ZMYM4: variants seen among roughly 807,000 people sequenced by gnomAD.
ZMYM4 encodes the protein zinc finger MYM-type containing 4.
ZMYM4 carries 31 observed loss-of-function variants against 183.2 expected under a neutral mutation model. The observed-to-expected ratio is 0.17, with a 90% CI of 0.13 to 0.23. The LOEUF (loss-of-function observed/expected upper bound fraction) is 0.23. ZMYM4 is among the 10% of genes least tolerant of loss of function. The pLI, the probability that ZMYM4 is intolerant of heterozygous loss-of-function variation, is 1.00. For synonymous variants in ZMYM4, 592 were observed against 631.2 expected, an observed-to-expected ratio of 0.94 and a Z score of 0.93; for missense variants, 1,273 against 1,840.3, an observed-to-expected ratio of 0.69 and a Z score of 5.64.
intron 2 of ZMYM4, among the ~76,000 whole-genome samples, chr1:35,349,976 A>T (rs1558053567): frequency 2.7e-5 from 4 of 150,374 alleles, no homozygotes; most frequent in Admixed American, 2.0e-4. Flanking sequence ...ATATATATAT[A>T]TTTTAAAGAC....
At chr1:35,404,893 T>C in intron 23 of ZMYM4, 130 bp from the exon 24 acceptor site, 1 of 882,956 alleles carries the variant, frequency 1.1e-6, no homozygotes, top group South Asian at 2.5e-5. Flanking sequence ...CTCTAAGAAC[T>C]CTGAATCTTT....
At chr1:35,340,052 A>G (rs1026662750) in intron 2 of ZMYM4, among the ~76,000 whole-genome samples, 5 of 152,226 alleles carry the variant, frequency 3.3e-5, no homozygotes, top group Admixed American at 1.3e-4. Flanking sequence ...TTCTTCAGGA[A>G]TGTTTTGCCT....
intron 2 of ZMYM4, chr1:35,351,482 G>A (rs1643605632): frequency 1.3e-6 from 2 of 1,554,468 alleles, no homozygotes; most frequent in African/African-American, 1.4e-5. Context: ...TCTATGAAAA[G>A]AAGCCCAAGA....
At position 35,398,851 on chromosome 1, in the gene ZMYM4, C is replaced by G. The variant is rs1414285170; in HGVS notation, c.3254-13C>G. ...TTTATTTTGAGGGCTTAATTGTTATCTATATATTTCAGACCAAGGAAGTAC... is the reference window on the plus strand; with the variant it reads ...TTTATTTTGAGGGCTTAATTGTTATGTATATATTTCAGACCAAGGAAGTAC... On this transcript the variant is annotated splice_polypyrimidine_tract_variant and intron_variant, in intron 21 of 29. Coordinates refer to ENST00000314607, the MANE Select transcript of ZMYM4 (RefSeq NM_005095.3). 6.2e-7 allele frequency: 1 copy of G among 1,610,230 alleles called. No homozygotes were observed. The highest frequency in any genetic ancestry group is 2.2e-5 in the East Asian group (1 of 44,788).
At chr1:35,339,321 G>A (rs1443654209) in intron 2 of ZMYM4, among the ~76,000 whole-genome samples, 1 of 151,602 alleles carries the variant, frequency 6.6e-6, no homozygotes, top group Admixed American at 6.6e-5. Flanking sequence ...TGCTTCCTCC[G>A]CCTCCTGGGT....
Position 35,359,359 on chromosome 1 carries a change from G to T in ZMYM4, c.520G>T (p.Asp174Tyr). 1.2e-6 allele frequency: 2 copies of T among 1,606,768 alleles called. No homozygotes were observed. The highest frequency in any genetic ancestry group is 2.3e-5 in the South Asian group (2 of 88,728). The change falls in exon 3 of 30, where the codon GAC (aspartate) becomes TAC (tyrosine). Residue 174 changes from aspartate (D) to tyrosine (Y), a missense_variant. Around this residue, in one of 6 missense-constraint regions of ZMYM4, gnomAD observed 384 missense variants for 465.6 expected, o/e 0.82. Coordinates refer to ENST00000314607, the MANE Select transcript of ZMYM4 (RefSeq NM_005095.3). ...ATTTTCTGGAAAGGAGAAAAATAGA[G>T]ACCTAACTTATGAACGTGAAAAACG... ...ETFSGKEKNR[D>Y]LTYEREKRLD...
Position 35,390,114 on chromosome 1 carries a change from G to A in ZMYM4, c.2587+16G>A, listed in dbSNP as rs1419451709. 2 of 1,609,654 alleles carry A rather than the reference G, an allele frequency of 1.2e-6. No homozygotes were observed. Among genetic ancestry groups the A allele is most frequent in the Non-Finnish European group, 1.7e-6 (2 of 1,177,146 alleles). On this transcript the variant is annotated intron_variant, in intron 15 of 29. Transcript: ENST00000314607. ...AATAATGCAGGTAAAATTAACCTTA[G>A]GTACTGAATGGAGTCTTTGGTCAAT...
rs1640263973 is a variant in ZMYM4, at chr1:35,419,788, G to T, written c.*111G>T. ...CTAAGTCCTCTTGACTTGACCATAAGATCATGGAAAACAGATGACTTGTGA... is the reference window on the plus strand; with the variant it reads ...CTAAGTCCTCTTGACTTGACCATAATATCATGGAAAACAGATGACTTGTGA... On this transcript the variant is annotated 3_prime_UTR_variant, in exon 30 of 30. Coordinates refer to ENST00000314607, the MANE Select transcript of ZMYM4 (RefSeq NM_005095.3). The T allele has an allele frequency of 1.8e-6, 2 of 1,109,774 alleles. No homozygotes were observed. Among genetic ancestry groups the T allele is most frequent in the Non-Finnish European group, 1.3e-6 (1 of 765,762 alleles). 68.7% of individuals were successfully genotyped at this position (1,109,774 alleles called of 1,614,324 possible). A position where few individuals can be genotyped will look rare whatever the true frequency, so the allele number is the denominator to read the frequency against.
rs189614695 is a variant in ZMYM4, at chr1:35,386,254, G to A, written c.1836+65G>A. On this transcript the variant is annotated intron_variant, in intron 11 of 29. Transcript: ENST00000314607. Reference sequence around the variant, plus strand: ...TCACCTACTGTATGAGTCTGTTCTTGCACTCCTCTAAAGAAATACCCTAGA... The same window carrying A: ...TCACCTACTGTATGAGTCTGTTCTTACACTCCTCTAAAGAAATACCCTAGA... The A allele has an allele frequency of 5.1e-6, 6 of 1,175,886 alleles. No individual in the cohort carries two copies. The Admixed American group carries it at 7.8e-5, about 15-fold the overall frequency. The allele number at this position is 1,175,886 out of a possible 1,614,324, so 72.8% of individuals were successfully genotyped here. A position where few individuals can be genotyped will look rare whatever the true frequency, so the allele number is the denominator to read the frequency against.
At chr1:35,393,872 A>C (rs1644755790) in intron 18 of ZMYM4, 133 bp downstream of exon 18, 2 of 1,029,900 alleles carry the variant, frequency 1.9e-6, no homozygotes, top group Non-Finnish European at 1.3e-6. Flanking sequence ...TTTAGTTCTC[A>C]CAGCATCCCC....
At chr1:35,295,112 A>T (rs893072285) in intron 1 of ZMYM4, among the ~76,000 whole-genome samples, 2 of 152,226 alleles carry the variant, frequency 1.3e-5, no homozygotes, top group African/African-American at 4.8e-5. Context: ...CATTCCAGGG[A>T]TGGGGTGGGA....
intron 2 of ZMYM4, among the ~76,000 whole-genome samples, chr1:35,342,995 T>C (rs1159247753): frequency 1.3e-5 from 2 of 152,108 alleles, no homozygotes; most frequent in South Asian, 2.1e-4. Flanking sequence ...GGATTCTTCA[T>C]GTATACTAGT....
At chr1:35,355,399 C>T (rs1226356809) in intron 2 of ZMYM4, among the ~76,000 whole-genome samples, 2 of 151,890 alleles carry the variant, frequency 1.3e-5, no homozygotes, top group Non-Finnish European at 1.5e-5. Flanking sequence ...GCTGTGTGAA[C>T]GTGATATCTC....
intron 1 of ZMYM4, among the ~76,000 whole-genome samples, chr1:35,315,086 T>A (rs1206496879): frequency 1.3e-5 from 2 of 151,928 alleles, no homozygotes; most frequent in Non-Finnish European, 2.9e-5. Context: ...CCTTTTTTTT[T>A]TTTTTAAAGC....
chr1:35,295,123 A>G lies in ZMYM4; in HGVS notation c.39+26038A>G, dbSNP rs1640944305. Among the ~76,000 whole-genome samples the G allele has an allele frequency of 2.6e-5, 4 of 152,376 alleles. No homozygotes were observed. In the South Asian group the frequency reaches 8.3e-4, roughly 32 times the overall value. On this transcript the variant is annotated intron_variant, in intron 1 of 29. Transcript: ENST00000314607. ...TTTACATTCCAGGGATGGGGTGGGAATAACTGCTAAACAAATAATTAATGT... is the reference window on the plus strand; with the variant it reads ...TTTACATTCCAGGGATGGGGTGGGAGTAACTGCTAAACAAATAATTAATGT...
rs1349795308 is a variant in ZMYM4, at chr1:35,370,088, G to A, written c.900G>A (p.Val300=). ...TQEGELKISA[V]FSVSGSPLAP... The stretch of plus-strand genomic sequence containing the variant: ...AGGGGGAACTGAAAATTAGTGCTGT[G>A]TTTTCAGTCAGTGGCAGCCCTCTTG... The change falls in exon 6 of 30, where the codon GTG becomes GTA. Residue 300 remains valine, a synonymous_variant. Coordinates refer to ENST00000314607, the MANE Select transcript of ZMYM4 (RefSeq NM_005095.3). The A allele has an allele frequency of 6.2e-7, 1 of 1,613,362 alleles. No homozygotes were observed. Among genetic ancestry groups the A allele is most frequent in the East Asian group, 2.2e-5 (1 of 44,824 alleles).
chr1:35,384,733 G>A (rs977709417), intron 9 of ZMYM4, among the ~76,000 whole-genome samples: 1 of 151,918 alleles, frequency 6.6e-6, no homozygotes, highest in South Asian at 2.1e-4. Context: ...TAGTATAAAA[G>A]CATGAACTTG....
intron 2 of ZMYM4, among the ~76,000 whole-genome samples, chr1:35,341,698 A>G (rs181143138): frequency 2.5e-4 from 38 of 152,066 alleles, no homozygotes; most frequent in African/African-American, 9.2e-4. Flanking sequence ...CACATTATAT[A>G]ATTTTAGTGT....
rs1643573247 is a variant in ZMYM4, at chr1:35,350,720, G to A, written c.86-8205G>A. On this transcript the variant is annotated intron_variant, in intron 2 of 29. Coordinates refer to ENST00000314607, the MANE Select transcript of ZMYM4 (RefSeq NM_005095.3). The stretch of plus-strand genomic sequence containing the variant: ...TGCAGACAAAGATCTCTCTTCTGCA[G>A]GATGGGGTTTGTTAAAGTTGTTAAG... The A allele has an allele frequency of 9.6e-6, 4 of 415,166 alleles. No individual in the cohort carries two copies. The East Asian group carries it at 1.7e-4, about 18-fold the overall frequency. 25.7% of individuals were successfully genotyped at this position (415,166 alleles called of 1,614,324 possible).
Sources: gnomAD v4.1 joint callset for allele counts (sites outside exome capture counted in the v4.1 genomes callset) on GRCh38, gnomAD v4.1.1 for gene constraint, gnomAD v4.1.1 regional missense constraint, MANE v1.5 for transcripts, NCBI Gene and HGNC (gene_info 2026-07-23, HGNC 2026-07-21) for gene names.